TRPM1: variants seen among roughly 807,000 people sequenced by gnomAD.
The protein encoded by TRPM1 is transient receptor potential cation channel subfamily M member 1.
TRPM1 carries 113 observed loss-of-function variants against 149.4 expected under a neutral mutation model. The ratio of observed to expected loss-of-function variants is 0.76; its 90% CI spans 0.65 to 0.88. The LOEUF (loss-of-function observed/expected upper bound fraction) is 0.88, where lower values mean the gene tolerates loss of function less well. Among genes scored for constraint, TRPM1 ranks in the 40% least tolerant of loss-of-function variants. TRPM1 has a pLI of 0.00. For missense variants in TRPM1, 1,976 were observed against 2,038.7 expected (o/e 0.97, Z 0.59); for synonymous variants, 741 against 759.5 (o/e 0.98, Z 0.40).
intron 1 of TRPM1, among the ~76,000 whole-genome samples, chr15:31,112,208 G>C (rs2035699594): frequency 6.6e-6 from 1 of 152,194 alleles, no homozygotes; most frequent in African/African-American, 2.4e-5. Context: ...GAGTGGCTGG[G>C]AGCTGTGGCT....
At chr15:31,102,161 T>A (rs1335960806), upstream of TRPM1, among the ~76,000 whole-genome samples, 1 of 152,192 alleles carries the variant, frequency 6.6e-6, no homozygotes, top group Non-Finnish European at 1.5e-5. Flanking sequence ...GGGCCTGAGG[T>A]CAGGGTGAAC....
intron 1 of TRPM1, among the ~76,000 whole-genome samples, chr15:31,142,563 T>C (rs1040569393): frequency 6.6e-6 from 1 of 152,216 alleles, no homozygotes; most frequent in Non-Finnish European, 1.5e-5. Flanking sequence ...TTGACAATTA[T>C]GTTACTTCCT....
At chr15:31,027,712 A>G (rs754730487) in intron 25 of TRPM1, among the ~76,000 whole-genome samples, 3 of 152,322 alleles carry the variant, frequency 2.0e-5, no homozygotes, top group Admixed American at 2.0e-4. Flanking sequence ...GTTTTCTCCA[A>G]TGCCCTGTTC....
chr15:31,149,252 G>A (rs1176501477), intron 1 of TRPM1, among the ~76,000 whole-genome samples: 2 of 152,218 alleles, frequency 1.3e-5, no homozygotes, highest in Non-Finnish European at 2.9e-5. Flanking sequence ...CAGGACCCCT[G>A]AGAGTTTACC....
chr15:31,109,699 A>T (rs906436337), intron 1 of TRPM1, among the ~76,000 whole-genome samples: 1 of 98,230 alleles, frequency 1.0e-5, no homozygotes, highest in African/African-American at 3.1e-5. Flanking sequence ...GACTCTGTCT[A>T]AAAAAAAAAA....
intron 1 of TRPM1, among the ~76,000 whole-genome samples, chr15:31,094,634 T>C (rs2035328693): frequency 6.6e-6 from 1 of 152,144 alleles, no homozygotes. Flanking sequence ...CTTTAGACAT[T>C]AGGGAAAAGC....
intron 1 of TRPM1, among the ~76,000 whole-genome samples, chr15:31,121,385 A>C (rs2035877350): frequency 6.6e-6 from 1 of 152,190 alleles, no homozygotes; most frequent in African/African-American, 2.4e-5. Context: ...CAGTAGAGAA[A>C]ACTAAAGCTG....
chr15:31,156,745 A>G (rs1044563013), intron 1 of TRPM1, among the ~76,000 whole-genome samples: 1 of 152,152 alleles, frequency 6.6e-6, no homozygotes, highest in African/African-American at 2.4e-5. Context: ...ACCTCTTGAG[A>G]CTGTGCCTTG....
At chr15:31,126,651 C>T (rs1446768113) in intron 1 of TRPM1, among the ~76,000 whole-genome samples, 2 of 152,116 alleles carry the variant, frequency 1.3e-5, no homozygotes, top group African/African-American at 4.8e-5. Context: ...AAATGGCTTG[C>T]TTTTCAAAGC....
rs774575257 is a variant in TRPM1, at chr15:31,002,968, T to C, written c.3732A>G (p.Glu1244=). Residue 1244 remains glutamate, a synonymous_variant, in exon 28 of 28, where the codon GAA becomes GAG. Coordinates refer to ENST00000256552, the MANE Select transcript of TRPM1 (RefSeq NM_001252024.2). ...GAGCATTCACCATTCTGTTAGATAA[T>C]TCTTCTAGCTGAGCAAGTCGAAGGT... ...TVDLRLAQLE[E]LSNRMVNALE... The C allele has an allele frequency of 6.3e-7, 1 of 1,598,004 alleles. No individual in the cohort carries two copies. The highest frequency in any genetic ancestry group is 8.5e-7 in the Non-Finnish European group (1 of 1,171,984).
intron 1 of TRPM1, among the ~76,000 whole-genome samples, chr15:31,156,000 C>T (rs557552861): frequency 1.2e-4 from 18 of 151,978 alleles, no homozygotes; most frequent in Middle Eastern, 3.4e-3. Flanking sequence ...AGTTGAAGAC[C>T]AGCCTGGCCA....
chr15:31,124,841 T>C (rs1363918579), intron 1 of TRPM1, among the ~76,000 whole-genome samples: 1 of 152,022 alleles, frequency 6.6e-6, no homozygotes, highest in African/African-American at 2.4e-5. Context: ...CTGTATGATA[T>C]GGTAATGGTG....
At chr15:31,064,059 T>C (rs2034305710) in intron 7 of TRPM1, among the ~76,000 whole-genome samples, 1 of 152,228 alleles carries the variant, frequency 6.6e-6, no homozygotes, top group Admixed American at 6.5e-5. Context: ...GCTTCTCCCT[T>C]ATGACACTGG....
At chr15:31,158,551 C>T (rs895227374) in intron 1 of TRPM1, among the ~76,000 whole-genome samples, 28 of 143,782 alleles carry the variant, frequency 1.9e-4, no homozygotes, top group East Asian at 4.2e-4. Context: ...CGCTTGAACC[C>T]GGGAGGTGGA....
chr15:31,035,987 T>C (rs2033350440), intron 20 of TRPM1: 1 of 416,966 alleles, frequency 2.4e-6, no homozygotes, highest in African/African-American at 2.0e-5. Flanking sequence ...GGGAAACTTT[T>C]AATAGTTTGC....
At chr15:31,064,591 T>C (rs539277248) in intron 7 of TRPM1, among the ~76,000 whole-genome samples, 1 of 152,342 alleles carries the variant, frequency 6.6e-6, no homozygotes, top group South Asian at 2.1e-4. Flanking sequence ...TGATGGGAAT[T>C]AGTTGATCGA....
Position 31,001,450 on chromosome 15 carries a change from G to A in TRPM1, c.*372C>T. 1 of 241,032 alleles carries A rather than the reference G, an allele frequency of 4.1e-6. No homozygotes were observed. The highest frequency in any genetic ancestry group is 5.6e-5 in the South Asian group (1 of 17,710). 14.9% of individuals were successfully genotyped at this position (241,032 alleles called of 1,614,324 possible). A position where few individuals can be genotyped will look rare whatever the true frequency, so the allele number is the denominator to read the frequency against. ...CCCAAAGTGCTAGGATTACAGGCAT[G>A]AGCCACTGTGCCCAGCTAGTTGCTT... On this transcript the variant is annotated 3_prime_UTR_variant, in exon 28 of 28. Coordinates refer to ENST00000256552, the MANE Select transcript of TRPM1 (RefSeq NM_001252024.2).
At chr15:31,076,701 G>A (rs548297277) in intron 3 of TRPM1, among the ~76,000 whole-genome samples, 165 of 152,230 alleles carry the variant, frequency 1.1e-3, no homozygotes, top group South Asian at 5.6e-3. Flanking sequence ...CATTAGGGTG[G>A]GTGGTGGACA....
rs1478754410 is a variant in TRPM1 at position 31,032,908 on chromosome 15, C to T, written c.2733G>A (p.Gln911=). ...ACTCCTGAAGCCAAACTTTGATTTT[C>T]TGGCTGAGTTTGCCTGGTTCTGACA... The part of the protein sequence containing the change: ...ILMSEPGKLS[Q]KIKVWLQEYW... The change falls in exon 22 of 28, where the codon CAG becomes CAA. Residue 911 remains glutamine, a synonymous_variant. Coordinates refer to ENST00000256552, the MANE Select transcript of TRPM1 (RefSeq NM_001252024.2). The T allele has an allele frequency of 6.2e-7, 1 of 1,614,230 alleles. No homozygotes were observed. The highest frequency in any genetic ancestry group is 1.3e-5 in the African/African-American group (1 of 75,060).
Sources: allele counts gnomAD v4.1 joint callset (sites outside exome capture counted in the v4.1 genomes callset), GRCh38; gene constraint gnomAD v4.1.1; transcripts MANE v1.5; gene names NCBI Gene and HGNC (gene_info 2026-07-23, HGNC 2026-07-21).